The following LRRC40 variants were observed in gnomAD, a reference collection of about 807,000 sequenced individuals.
The protein encoded by LRRC40 is leucine rich repeat containing 40.
LRRC40 carries 76 observed loss-of-function variants against 72.8 expected under a neutral mutation model. The ratio of observed to expected loss-of-function variants is 1.04; its 90% CI spans 0.87 to 1.26. The LOEUF (loss-of-function observed/expected upper bound fraction) is 1.26, where lower values mean the gene tolerates loss of function less well. Among genes scored for constraint, LRRC40 ranks in the 50% most tolerant of loss-of-function variants. The pLI, the probability that LRRC40 is intolerant of heterozygous loss-of-function variation, is 0.00. For missense variants in LRRC40, 684 were observed against 698.9 expected, an observed-to-expected ratio of 0.98 and a Z score of 0.24; for synonymous variants, 243 against 254.2, an observed-to-expected ratio of 0.96 and a Z score of 0.42.
At chr1:70,181,322 T>C in intron 4 of LRRC40, 113 bp from the exon 5 acceptor site, 1 of 535,298 alleles carries the variant, frequency 1.9e-6, no homozygotes. Flanking sequence ...AGAGACTACT[T>C]AAGATGTGAT....
chr1:70,158,279 G>A (rs951641349), intron 10 of LRRC40, among the ~76,000 whole-genome samples: 4 of 152,032 alleles, frequency 2.6e-5, no homozygotes, highest in Admixed American at 6.6e-5. Flanking sequence ...CACAACAAAT[G>A]TGAAATGGAG....
At chr1:70,163,653 G>A (rs1667814117) in intron 9 of LRRC40, among the ~76,000 whole-genome samples, 1 of 152,118 alleles carries the variant, frequency 6.6e-6, no homozygotes, top group Non-Finnish European at 1.5e-5. Flanking sequence ...TGCCATGTAA[G>A]GTAACCCATT....
At position 70,175,192 on chromosome 1, in the gene LRRC40, G is replaced by A. The variant is rs183356724; in HGVS notation, c.977+618C>T. Among the ~76,000 whole-genome samples the A allele has an allele frequency of 5.2e-3, 797 of 152,196 alleles. 2 individuals are homozygous for A. The highest frequency in any genetic ancestry group is 8.7e-3 in the Non-Finnish European group (589 of 67,966). On this transcript the variant is annotated intron_variant, in intron 7 of 14. Coordinates refer to ENST00000370952, the MANE Select transcript of LRRC40 (RefSeq NM_017768.5). Reference sequence around the variant, plus strand: ...CAGAGAGCAAGACACCTGCATGAGCGAAAGATGACAAATGATAAATTAAGT... The same window carrying A: ...CAGAGAGCAAGACACCTGCATGAGCAAAAGATGACAAATGATAAATTAAGT...
intron 11 of LRRC40, 85 bp downstream of exon 11, chr1:70,155,604 C>A: frequency 5.7e-6 from 3 of 529,808 alleles, no homozygotes; most frequent in South Asian, 6.1e-5. Flanking sequence ...ATTTAAAAAC[C>A]AATATGGAAA....
At chr1:70,170,532 G>A (rs1667978697) in intron 9 of LRRC40, among the ~76,000 whole-genome samples, 1 of 152,096 alleles carries the variant, frequency 6.6e-6, no homozygotes, top group Non-Finnish European at 1.5e-5. Context: ...GTTTCATCAA[G>A]GTTTCAGGAT....
At chr1:70,173,180 GT>G (rs1181662972) in intron 9 of LRRC40, among the ~76,000 whole-genome samples, 8 of 151,970 alleles carry the variant, frequency 5.3e-5, no homozygotes, top group African/African-American at 1.9e-4. Flanking sequence ...CTTTTTCAAA[GT>G]TGAAGTACTA....
chr1:70,191,363 C>A (rs1287111291), intron 1 of LRRC40, among the ~76,000 whole-genome samples: 1 of 151,918 alleles, frequency 6.6e-6, no homozygotes, highest in Non-Finnish European at 1.5e-5. Flanking sequence ...TAACAAATGT[C>A]TTTTTTTGGA....
intron 9 of LRRC40, among the ~76,000 whole-genome samples, chr1:70,162,368 C>T (rs540349988): frequency 3.8e-4 from 58 of 152,108 alleles, no homozygotes; most frequent in African/African-American, 1.4e-3. Flanking sequence ...GCATAAAATG[C>T]CCCAAAGTGT....
At chr1:70,161,271 A>C (rs925905411) in intron 9 of LRRC40, among the ~76,000 whole-genome samples, 5 of 151,842 alleles carry the variant, frequency 3.3e-5, no homozygotes, top group African/African-American at 1.2e-4. Flanking sequence ...TTTTTAGTAG[A>C]GACGGGGTTT....
chr1:70,202,158 G>A (rs1363265704), intron 1 of LRRC40, among the ~76,000 whole-genome samples: 1 of 152,096 alleles, frequency 6.6e-6, no homozygotes, highest in Non-Finnish European at 1.5e-5. Flanking sequence ...GCTCAACATA[G>A]TCTCTTATAT....
chr1:70,160,079 A>G (rs1042647528), intron 9 of LRRC40, among the ~76,000 whole-genome samples: 5 of 152,180 alleles, frequency 3.3e-5, no homozygotes, highest in African/African-American at 1.2e-4. Context: ...TATGGTATAC[A>G]TATTTTTTTA....
chr1:70,154,203 G>A lies in LRRC40; in HGVS notation c.1328+1486C>T, dbSNP rs183609407. On this transcript the variant is annotated intron_variant, in intron 11 of 14. Coordinates refer to ENST00000370952, the MANE Select transcript of LRRC40 (RefSeq NM_017768.5). ...TAAAATTTTTTTAAAAAGGGAAAGTGGTTTGGGAACTTTCTAGAGAAAAGC... is the reference window on the plus strand; with the variant it reads ...TAAAATTTTTTTAAAAAGGGAAAGTAGTTTGGGAACTTTCTAGAGAAAAGC... Among the ~76,000 whole-genome samples, 20 of 152,192 alleles carry A rather than the reference G, an allele frequency of 1.3e-4. No individual in the cohort carries two copies. The East Asian group carries it at 3.3e-3, about 25-fold the overall frequency.
chr1:70,146,345 T>C (rs888425951), intron 14 of LRRC40, among the ~76,000 whole-genome samples: 2 of 152,154 alleles, frequency 1.3e-5, no homozygotes, highest in Non-Finnish European at 2.9e-5. Flanking sequence ...TTTTCATATC[T>C]GAACATTTAA....
At chr1:70,178,792 T>C (rs1315614706) in intron 6 of LRRC40, 59 bp downstream of exon 6, 7 of 1,118,216 alleles carry the variant, frequency 6.3e-6, no homozygotes, top group Non-Finnish European at 8.7e-6. Context: ...CCTTTAAAAA[T>C]GCATTTTAAT....
At chr1:70,149,952 G>A (rs537682080) in intron 13 of LRRC40, among the ~76,000 whole-genome samples, 113 of 152,098 alleles carry the variant, frequency 7.4e-4, no homozygotes, top group Admixed American at 1.2e-3. Context: ...ACAGAGTCTT[G>A]CTCTGTCGCC....
intron 4 of LRRC40, 44 bp from the exon 5 acceptor site, chr1:70,181,253 AAAT>A: frequency 1.7e-6 from 2 of 1,200,542 alleles, no homozygotes; most frequent in Non-Finnish European, 2.3e-6. Flanking sequence ...ACAAGTAAAA[AAAT>A]AAATAAATAA....
chr1:70,183,846 A>G (rs963796894), intron 4 of LRRC40, among the ~76,000 whole-genome samples: 1 of 152,038 alleles, frequency 6.6e-6, no homozygotes, highest in Non-Finnish European at 1.5e-5. Context: ...GAACTACCAC[A>G]CCTAGCTCCA....
chr1:70,148,372 C>G, intron 14 of LRRC40, 115 bp downstream of exon 14: 2 of 818,826 alleles, frequency 2.4e-6, no homozygotes, highest in Non-Finnish European at 3.8e-6. Context: ...TTATTTTTAA[C>G]AGGATATTAA....
At chr1:70,170,119 G>T (rs1264645818) in intron 9 of LRRC40, among the ~76,000 whole-genome samples, 6 of 151,998 alleles carry the variant, frequency 3.9e-5, no homozygotes. Flanking sequence ...ATCAATTAAG[G>T]TAATACAGCA....
Sources: allele counts gnomAD v4.1 joint callset (sites outside exome capture counted in the v4.1 genomes callset), GRCh38; gene constraint gnomAD v4.1.1; transcripts MANE v1.5; gene names NCBI Gene and HGNC (gene_info 2026-07-23, HGNC 2026-07-21).